SASH1: variants seen among roughly 807,000 people sequenced by gnomAD.
SASH1 encodes the protein SAM and SH3 domain containing 1.
In SASH1, 44 loss-of-function variants were observed where a neutral mutation model predicts 125.2. That is an observed-to-expected ratio of 0.35 (90% CI 0.28 to 0.45). The LOEUF is 0.45. Among genes scored for constraint, SASH1 ranks in the 20% least tolerant of loss-of-function variants. The probability of loss-of-function intolerance (pLI) is 1.00; values close to 1 mark genes in which losing one functional copy is unlikely to be tolerated. For synonymous variants in SASH1, 639 were observed against 649.1 expected, an observed-to-expected ratio of 0.98 and a Z score of 0.24; for missense variants, 1,426 against 1,614.5, an observed-to-expected ratio of 0.88 and a Z score of 2.00.
chr6:148,474,279 A>C (rs1388135839), intron 7 of SASH1, 57 bp downstream of exon 7: 1 of 1,132,034 alleles, frequency 8.8e-7, no homozygotes, highest in East Asian at 2.6e-5. Context: ...TGAAGTGTAA[A>C]AATGTTTGCG....
intron 5 of SASH1, chr6:148,469,174 CTG>C (rs1471550439): frequency 1.3e-5 from 2 of 152,262 alleles, no homozygotes; most frequent in Non-Finnish European, 2.9e-5. Context: ...TCAATCAACC[CTG>C]GCTGCCTGAC....
chr6:148,479,457 G>A (rs750399973), intron 7 of SASH1: 1 of 197,514 alleles, frequency 5.1e-6, no homozygotes, highest in Non-Finnish European at 1.1e-5. Context: ...CTAATCCAGC[G>A]TTCTTGGGGC....
At chr6:148,455,410 C>T (rs1245212905) in intron 4 of SASH1, among the ~76,000 whole-genome samples, 1 of 152,134 alleles carries the variant, frequency 6.6e-6, no homozygotes, top group African/African-American at 2.4e-5. Context: ...GTCATTTCAT[C>T]GTCACGGTGA....
chr6:148,273,317 A>G (rs1377132285), intron 1 of SASH1, among the ~76,000 whole-genome samples: 1 of 140,450 alleles, frequency 7.1e-6, no homozygotes, highest in Non-Finnish European at 1.5e-5. Flanking sequence ...TTTTTGAGAC[A>G]GAGTCTCCCT....
intron 16 of SASH1, among the ~76,000 whole-genome samples, chr6:148,539,447 C>T (rs967093400): frequency 2.6e-5 from 4 of 152,042 alleles, no homozygotes; most frequent in Non-Finnish European, 5.9e-5. Context: ...CAAGTGAGAC[C>T]GTGTGGATTT....
intron 2 of SASH1, among the ~76,000 whole-genome samples, chr6:148,391,803 C>T (rs1479733114): frequency 2.6e-5 from 4 of 152,240 alleles, no homozygotes; most frequent in Middle Eastern, 3.4e-3. Flanking sequence ...ACTTTAGTTC[C>T]GTGCCTTTCA....
At chr6:148,377,100 G>A (rs1164738167) in intron 1 of SASH1, among the ~76,000 whole-genome samples, 6 of 146,890 alleles carry the variant, frequency 4.1e-5, no homozygotes, top group South Asian at 2.2e-4. Flanking sequence ...AACCCGGGAG[G>A]CGGAGCTTGC....
rs1471918463 is a variant in SASH1, at chr6:148,533,938, G to A, written c.1902G>A (p.Gln634=). 1.9e-6 allele frequency: 3 copies of A among 1,613,952 alleles called. No homozygotes were observed. The East Asian group carries it at 6.7e-5, about 36-fold the overall frequency. Residue 634 remains glutamine, a synonymous_variant, in exon 15 of 20, where the codon CAG becomes CAA. Coordinates refer to ENST00000367467, the MANE Select transcript of SASH1 (RefSeq NM_015278.5). The surrounding 1 kb of genome is among the most constrained non-coding windows in gnomAD (Gnocchi z 6.2). ...GGCGTCGGAAAGGACGACCACCCCA[G>A]CCCAAGTCTGTGGAGGATCTCCTGG... ...TRRRRKGRPP[Q]PKSVEDLLDR... is the part of the protein sequence containing the mutation.
intron 7 of SASH1, chr6:148,479,853 A>T (rs960170944): frequency 2.6e-5 from 4 of 152,676 alleles, no homozygotes; most frequent in African/African-American, 9.6e-5. Flanking sequence ...ACTTTACTGG[A>T]TACTACAGAC....
At chr6:148,197,763 G>A in the SASH1 span, among the ~76,000 whole-genome samples, 2 of 152,074 alleles carry the variant, frequency 1.3e-5, no homozygotes, top group African/African-American at 2.4e-5. Flanking sequence ...CCCATGTATC[G>A]AGGGAGGTAG....
At chr6:148,499,271 C>T (rs1363561449) in intron 8 of SASH1, among the ~76,000 whole-genome samples, 1 of 151,956 alleles carries the variant, frequency 6.6e-6, no homozygotes, top group Non-Finnish European at 1.5e-5. Flanking sequence ...CGTTCATCTC[C>T]CTCTTTGTAC....
intron 4 of SASH1, among the ~76,000 whole-genome samples, chr6:148,443,606 T>C (rs1189693792): frequency 6.6e-6 from 1 of 151,796 alleles, no homozygotes; most frequent in Admixed American, 6.6e-5. Context: ...TTTCCATGAT[T>C]CTTGCCTGAA....
At chr6:148,360,147 A>G (rs935960367) in intron 1 of SASH1, among the ~76,000 whole-genome samples, 5 of 151,996 alleles carry the variant, frequency 3.3e-5, no homozygotes, top group African/African-American at 9.7e-5. Flanking sequence ...TGATTCCTAC[A>G]TGGCTCTGCA....
At chr6:148,487,555 AGG>A in intron 7 of SASH1, 57 bp from the exon 8 acceptor site, 1 of 1,207,208 alleles carries the variant, frequency 8.3e-7, no homozygotes, top group Non-Finnish European at 1.2e-6. Context: ...TCCCTGTAAA[AGG>A]TCTGGCCAGT....
intron 1 of SASH1, among the ~76,000 whole-genome samples, chr6:148,286,851 G>C (rs1353911982): frequency 6.6e-6 from 1 of 152,088 alleles, no homozygotes; most frequent in Non-Finnish European, 1.5e-5. Context: ...AAATCTCTAA[G>C]CTACTTAGGG....
chr6:148,312,336 C>G (rs1780353335), intron 1 of SASH1, among the ~76,000 whole-genome samples: 2 of 152,152 alleles, frequency 1.3e-5, no homozygotes, highest in Admixed American at 1.3e-4. Flanking sequence ...CTAGATAGTA[C>G]TTAGTCATCA....
intron 2 of SASH1, among the ~76,000 whole-genome samples, chr6:148,399,786 TTTGGCCAGGGC>T (rs143397176): frequency 0.036 from 5,480 of 152,002 alleles, 314 homozygotes; most frequent in African/African-American, 0.12. Context: ...GTATCCAGGG[TTTGGCCAGGGC>T]TTGGCCAGGG....
chr6:148,493,501 T>G (rs182541387), intron 8 of SASH1, among the ~76,000 whole-genome samples: 2 of 152,344 alleles, frequency 1.3e-5, no homozygotes, highest in Admixed American at 6.5e-5. Flanking sequence ...GAGATGTGAA[T>G]AGCCCACTGG....
At chr6:148,198,821 A>G in the SASH1 span, among the ~76,000 whole-genome samples, 1 of 152,210 alleles carries the variant, frequency 6.6e-6, no homozygotes, top group East Asian at 1.9e-4. Flanking sequence ...ATCCAGGGAC[A>G]GTTTTGTTTT....
Sources: gnomAD v4.1 joint callset for allele counts (sites outside exome capture counted in the v4.1 genomes callset) on GRCh38, gnomAD v4.1.1 for gene constraint, Gnocchi (gnomAD v3.1) non-coding constraint, MANE v1.5 for transcripts, NCBI Gene and HGNC (gene_info 2026-07-23, HGNC 2026-07-21) for gene names.